Variants in DNAAF6 observed in about 807,000 individuals in gnomAD.
The protein encoded by DNAAF6 is dynein axonemal assembly factor 6, also known as PIH1 domain containing 3.
A neutral mutation model predicts 13.7 loss-of-function variants in DNAAF6; 3 were observed. The ratio of observed to expected loss-of-function variants is 0.22; its 90% CI spans 0.10 to 0.56. The LOEUF (loss-of-function observed/expected upper bound fraction) is 0.56, where lower values mean the gene tolerates loss of function less well. DNAAF6 is among the 20% of genes least tolerant of loss of function. DNAAF6 has a pLI of 0.92. For missense variants in DNAAF6, 130 were observed against 151.0 expected, an observed-to-expected ratio of 0.86 and a Z score of 0.73; for synonymous variants, 54 against 49.2, an observed-to-expected ratio of 1.10 and a Z score of -0.41.
At chrX:107,229,064 A>G (rs1167127513) in intron 5 of DNAAF6, among the ~76,000 whole-genome samples, 1 of 106,423 alleles carries the variant, frequency 9.4e-6, no homozygotes, top group African/African-American at 3.4e-5. Context: ...CACTGATTAG[A>G]TAAAGAGGGA....
chrX:107,221,754 A>G (rs776603081), intron 4 of DNAAF6, among the ~76,000 whole-genome samples: 33 of 111,103 alleles, frequency 3.0e-4, no homozygotes, highest in Non-Finnish European at 5.5e-4. Flanking sequence ...AAAGTGCCCC[A>G]TAGCAAATAG....
At chrX:107,211,985 T>C (rs2147826041) in intron 1 of DNAAF6, among the ~76,000 whole-genome samples, 1 of 111,989 alleles carries the variant, frequency 8.9e-6, no homozygotes, top group East Asian at 2.8e-4. Context: ...TATTTTGAAA[T>C]ATAACATTCA....
chrX:107,237,669 T>C (rs1295439094), intron 5 of DNAAF6, among the ~76,000 whole-genome samples: 1 of 111,980 alleles, frequency 8.9e-6, no homozygotes, highest in Non-Finnish European at 1.9e-5. Context: ...CAACCACCAA[T>C]CTCTTTTCTG....
chrX:107,242,010 ATATAG>A (rs2147839598), intron 6 of DNAAF6, among the ~76,000 whole-genome samples: 1 of 112,283 alleles, frequency 8.9e-6, no homozygotes, highest in Non-Finnish European at 1.9e-5. Context: ...AGCACAACCT[ATATAG>A]TAAACAGATT....
At position 107,243,278 on chromosome X, in the gene DNAAF6, G is replaced by C; in HGVS notation, c.625G>C (p.Asp209His). 1 of 1,203,076 alleles carries C rather than the reference G, an allele frequency of 8.3e-7. No individual in the cohort carries two copies. The highest frequency in any genetic ancestry group is 1.1e-6 in the Non-Finnish European group (1 of 892,767). The change falls in exon 7 of 7, where the codon GAT becomes CAT. Residue 209 changes from aspartate to histidine, a missense_variant. Asp to His is a moderately conservative substitution (Grantham distance 81, BLOSUM62 -1). Transcript: ENST00000372453. ...EITMTMKRELDIANFF is the reference protein window; with the variant it reads ...EITMTMKRELHIANFF ...CACTATGACTATGAAAAGAGAGTTAGATATTGCTAATTTCTTCTGAAACTG... is the reference window on the plus strand; with the variant it reads ...CACTATGACTATGAAAAGAGAGTTACATATTGCTAATTTCTTCTGAAACTG...
Position 107,218,815 on chromosome X carries a change from G to A in DNAAF6, c.227-49G>A, listed in dbSNP as rs1222596894. ...TGTGAAGAAGAACAGGAGCAATTTA[G>A]AGAAGGAAAAAAGCATGAGCTTCAG... On this transcript the variant is annotated intron_variant, in intron 3 of 6. Coordinates refer to ENST00000372453, the MANE Select transcript of DNAAF6 (RefSeq NM_173494.2). 3 of 1,132,985 alleles carry A rather than the reference G, an allele frequency of 2.6e-6. 1 individual carries two copies. The highest frequency in any genetic ancestry group is 5.7e-5 in the Admixed American group (2 of 35,042). The allele number at this position is 1,132,985 out of a possible 1,213,427, so 93.4% of individuals were successfully genotyped here.
chrX:107,218,775 T>A, intron 3 of DNAAF6, 89 bp from the exon 4 acceptor site: 1 of 915,268 alleles, frequency 1.1e-6, no homozygotes, highest in Non-Finnish European at 1.5e-6. Context: ...TTTATTTCAA[T>A]GAACCCAAAC....
chrX:107,207,231 C>CAGTACTTACTA (rs1446192897), intron 1 of DNAAF6: 3 of 111,394 alleles, frequency 2.7e-5, no homozygotes, highest in African/African-American at 9.8e-5. Context: ...AAAATGGCCC[C>CAGTACTTACTA]AGTACTTACT....
At chrX:107,206,978 A>T (rs1421636939) in intron 1 of DNAAF6, among the ~76,000 whole-genome samples, 1 of 111,668 alleles carries the variant, frequency 9.0e-6, no homozygotes, top group Non-Finnish European at 1.9e-5. Context: ...GCAAAAGTAA[A>T]CATCTGAAAG....
At chrX:107,226,256 T>C (rs1389295390) in intron 5 of DNAAF6, among the ~76,000 whole-genome samples, 1 of 112,174 alleles carries the variant, frequency 8.9e-6, no homozygotes, top group African/African-American at 3.2e-5. Context: ...ACATATATGC[T>C]TTTCTTTAAA....
chrX:107,218,821 GA>G (rs768870165), intron 3 of DNAAF6, 42 bp from the exon 4 acceptor site: 2 of 1,147,793 alleles, frequency 1.7e-6, no homozygotes, highest in Admixed American at 2.8e-5. Context: ...TTTAGAGAAG[GA>G]AAAAAGCATG....
chrX:107,217,529 A>G (rs372201611), intron 3 of DNAAF6, among the ~76,000 whole-genome samples: 5 of 112,233 alleles, frequency 4.5e-5, no homozygotes, highest in East Asian at 5.6e-4. Flanking sequence ...AGGCTTATAC[A>G]TTAACATCTT....
intron 1 of DNAAF6, among the ~76,000 whole-genome samples, chrX:107,208,697 CT>C (rs1927777224): frequency 9.1e-6 from 1 of 109,574 alleles, no homozygotes; most frequent in Non-Finnish European, 1.9e-5. Flanking sequence ...GCCACTATGC[CT>C]GGCTAATTTT....
At chrX:107,231,157 T>TTTGATCTCTTTTGAAACAAC (rs1400785283) in intron 5 of DNAAF6, among the ~76,000 whole-genome samples, 1 of 111,886 alleles carries the variant, frequency 8.9e-6, no homozygotes, top group African/African-American at 3.2e-5. Context: ...AAAGAGATCC[T>TTTGATCTCTTTTGAAACAAC]GTCATTTGAA....
chrX:107,235,552 T>C (rs1433144265), intron 5 of DNAAF6, among the ~76,000 whole-genome samples: 1 of 111,430 alleles, frequency 9.0e-6, no homozygotes, highest in Non-Finnish European at 1.9e-5. Flanking sequence ...GAGAAGTCCA[T>C]GTGGTGAAGA....
rs746947706 is a variant in DNAAF6 at position 107,222,870 on chromosome X, C to A, written c.429+29C>A. The A allele has an allele frequency of 4.9e-4, 575 of 1,181,761 alleles. 5 individuals are homozygous for A. The South Asian group carries it at 8.1e-3, about 17-fold the overall frequency. ...AGCCTCTCCTCCCCTTCTTCATTTTCTATACAACCATTGTAGCTAAATTGA... is the reference window on the plus strand; with the variant it reads ...AGCCTCTCCTCCCCTTCTTCATTTTATATACAACCATTGTAGCTAAATTGA... On this transcript the variant is annotated intron_variant, in intron 5 of 6. Coordinates refer to ENST00000372453, the MANE Select transcript of DNAAF6 (RefSeq NM_173494.2).
chrX:107,214,396 T>C (rs1927928319), intron 2 of DNAAF6, among the ~76,000 whole-genome samples: 1 of 111,665 alleles, frequency 9.0e-6, no homozygotes, highest in African/African-American at 3.3e-5. Flanking sequence ...ACCTTGAATA[T>C]AGTGAAGTGG....
chrX:107,234,850 A>T (rs1210212701), intron 5 of DNAAF6, among the ~76,000 whole-genome samples: 1 of 111,983 alleles, frequency 8.9e-6, no homozygotes, highest in African/African-American at 3.2e-5. Context: ...GTCAATTTTC[A>T]AACATCTTAT....
intron 1 of DNAAF6, among the ~76,000 whole-genome samples, chrX:107,211,286 TTTTG>T (rs749807687): frequency 6.1e-4 from 69 of 112,292 alleles, no homozygotes; most frequent in Non-Finnish European, 1.1e-3. Context: ...TTTGGGATTC[TTTTG>T]TTTATCAAAA....
Sources: allele counts gnomAD v4.1 joint callset (sites outside exome capture counted in the v4.1 genomes callset), GRCh38; gene constraint gnomAD v4.1.1; transcripts MANE v1.5; gene names NCBI Gene and HGNC (gene_info 2026-07-23, HGNC 2026-07-21).